Variants in C3orf20 observed in about 807,000 individuals in gnomAD.
The protein encoded by C3orf20 is uncharacterized protein C3orf20.
A neutral mutation model predicts 88.3 loss-of-function variants in C3orf20; 76 were observed. That is an observed-to-expected ratio of 0.86 (90% CI 0.72 to 1.04). The LOEUF is 1.04. C3orf20 is among the 50% of genes least tolerant of loss of function. The probability of loss-of-function intolerance (pLI) is 0.00; values close to 1 mark genes in which losing one functional copy is unlikely to be tolerated. For synonymous variants in C3orf20, 436 were observed against 437.4 expected (o/e 1.00, Z 0.04); for missense variants, 1,056 against 1,123.3 (o/e 0.94, Z 0.86).
Position 14,682,708 on chromosome 3 carries a change from C to T in C3orf20, c.-6C>T, listed in dbSNP as rs1367256932. The T allele has an allele frequency of 1.3e-5, 21 of 1,598,692 alleles. No individual in the cohort carries two copies. The highest frequency in any genetic ancestry group is 1.8e-5 in the Non-Finnish European group (21 of 1,172,280). On this transcript the variant is annotated 5_prime_UTR_variant, in exon 3 of 17. Transcript: ENST00000253697. The stretch of plus-strand genomic sequence containing the variant: ...AGAGCTCTCTTTATAGCTGAAGGTC[C>T]CTCTCATGAGTTACATCAAGAGTAA...
chr3:14,684,356 G>T lies in C3orf20; in HGVS notation c.599G>T (p.Gly200Val). 6.2e-7 allele frequency: 1 copy of T among 1,614,124 alleles called. No homozygotes were observed. The highest frequency in any genetic ancestry group is 8.5e-7 in the Non-Finnish European group (1 of 1,180,008). The change falls in exon 4 of 17, where the codon GGC becomes GTC. Residue 200 changes from glycine to valine, a missense_variant. Physicochemically the swap from Gly to Val is moderately radical, Grantham distance 109. Transcript: ENST00000253697. Reference protein sequence around the residue: ...NCLISTAGRSGYSSGQLWKES... With the variant: ...NCLISTAGRSVYSSGQLWKES... Reference sequence around the variant, plus strand: ...CTGATCAGCACAGCCGGGAGAAGTGGCTACAGCAGCGGACAGTTGTGGAAA... The same window carrying T: ...CTGATCAGCACAGCCGGGAGAAGTGTCTACAGCAGCGGACAGTTGTGGAAA...
At chr3:14,710,696 G>A (rs995739386) in intron 7 of C3orf20, among the ~76,000 whole-genome samples, 2 of 152,046 alleles carry the variant, frequency 1.3e-5, no homozygotes, top group Non-Finnish European at 2.9e-5. Context: ...GTGACCAAAG[G>A]AGATACTTTC....
chr3:14,771,653 A>G (rs570110255), intron 15 of C3orf20, among the ~76,000 whole-genome samples: 1 of 152,304 alleles, frequency 6.6e-6, no homozygotes, highest in East Asian at 1.9e-4. Context: ...CCCTATTTCC[A>G]AATAAGGCCA....
intron 12 of C3orf20, among the ~76,000 whole-genome samples, chr3:14,750,926 A>G (rs1435769570): frequency 6.6e-6 from 1 of 152,012 alleles, no homozygotes; most frequent in African/African-American, 2.4e-5. Flanking sequence ...GATTCCCATT[A>G]TGTGTCTTGA....
intron 5 of C3orf20, among the ~76,000 whole-genome samples, chr3:14,699,869 G>A (rs73813951): frequency 0.016 from 2,426 of 152,270 alleles, 52 homozygotes; most frequent in African/African-American, 0.055. Flanking sequence ...TGCCTTTCAA[G>A]TTTATTTAGA....
chr3:14,724,211 ATG>A (rs2034271818), intron 10 of C3orf20, among the ~76,000 whole-genome samples: 1 of 152,236 alleles, frequency 6.6e-6, no homozygotes, highest in Non-Finnish European at 1.5e-5. Flanking sequence ...CGTTTTTAAA[ATG>A]TGAGTCTACT....
intron 13 of C3orf20, 67 bp downstream of exon 13, chr3:14,757,741 AC>A: frequency 6.9e-7 from 1 of 1,456,518 alleles, no homozygotes. Flanking sequence ...GTCCGAGAAA[AC>A]CCCCACAGTG....
In C3orf20 at chr3:14,768,490, G is replaced by C. The variant is rs1301202872; in HGVS notation, c.2496-3577G>C. ...CTGACTTGATCCTACAGGCAATGGG[G>C]AGCTAATGAAGGTTCTTGAGCTGAG... is the stretch of plus-strand genomic sequence containing the variant. On this transcript the variant is annotated intron_variant, in intron 15 of 16. Transcript: ENST00000253697. The surrounding 1 kb of genome is among the most constrained non-coding windows in gnomAD (Gnocchi z 4.1). Among the ~76,000 whole-genome samples the C allele has an allele frequency of 6.6e-6, 1 of 152,028 alleles. No individual in the cohort carries two copies. Among genetic ancestry groups the C allele is most frequent in the African/African-American group, 2.4e-5 (1 of 41,310 alleles).
At chr3:14,757,783 C>CCCCTCAGG in intron 13 of C3orf20, 109 bp downstream of exon 13, 1 of 1,007,004 alleles carries the variant, frequency 9.9e-7, no homozygotes, top group Non-Finnish European at 1.4e-6. Context: ...GCCTGAGGGG[C>CCCCTCAGG]CACCCTCCTT....
chr3:14,693,781 A>G (rs2032843581), intron 5 of C3orf20, among the ~76,000 whole-genome samples: 1 of 152,134 alleles, frequency 6.6e-6, no homozygotes. Context: ...ATTTTAGAGG[A>G]AAGGCTTTCA....
At chr3:14,765,058 T>G (rs894176458) in intron 15 of C3orf20, 1 of 152,240 alleles carries the variant, frequency 6.6e-6, no homozygotes, top group African/African-American at 2.4e-5. Context: ...CAGAAGATAC[T>G]GGGTGAAATC....
intron 12 of C3orf20, among the ~76,000 whole-genome samples, chr3:14,731,159 A>G (rs7617472): frequency 0.38 from 57,812 of 152,014 alleles, 11,245 homozygotes; most frequent in Middle Eastern, 0.45. Flanking sequence ...CCTCACCCTT[A>G]ATCCCTGACA....
chr3:14,742,866 C>T (rs929612780), intron 12 of C3orf20, among the ~76,000 whole-genome samples: 1 of 152,114 alleles, frequency 6.6e-6, no homozygotes, highest in East Asian at 1.9e-4. Flanking sequence ...GAGATTTATT[C>T]ACTATCAGGA....
intron 8 of C3orf20, 81 bp from the exon 9 acceptor site, chr3:14,715,208 A>G: frequency 6.5e-7 from 1 of 1,540,812 alleles, no homozygotes; most frequent in Non-Finnish European, 8.8e-7. Context: ...AGTCTTACAG[A>G]CCTGTCTGCC....
At chr3:14,741,178 G>C (rs1295606318) in intron 12 of C3orf20, among the ~76,000 whole-genome samples, 1 of 152,192 alleles carries the variant, frequency 6.6e-6, no homozygotes, top group Non-Finnish European at 1.5e-5. Context: ...CTGTGCTTCA[G>C]CCTTTGTGAG....
At chr3:14,738,199 ACT>A (rs1387613804) in intron 12 of C3orf20, among the ~76,000 whole-genome samples, 1 of 122,692 alleles carries the variant, frequency 8.2e-6, no homozygotes, top group Non-Finnish European at 1.6e-5. Context: ...GCAGAGTCTC[ACT>A]CTGTCACCCA....
rs770304682 is a variant in C3orf20 at position 14,698,688 on chromosome 3, GCCA to G, written c.746-4434_746-4432del. ...ATGGGGTTACACAAGTACCCCTGTG[GCCA>G]CCACCACTGGGAGTGCACTGGATGA... On this transcript the variant is annotated intron_variant, in intron 5 of 16. Coordinates refer to ENST00000253697, the MANE Select transcript of C3orf20 (RefSeq NM_032137.5). Among the ~76,000 whole-genome samples the G allele has an allele frequency of 2.4e-4, 37 of 152,262 alleles. No homozygotes were observed. The South Asian group carries it at 2.9e-3, about 12-fold the overall frequency.
chr3:14,701,913 A>G lies in C3orf20; in HGVS notation c.746-1217A>G, dbSNP rs1344161448. 6.6e-6 allele frequency among the ~76,000 whole-genome samples: 1 copy of G among 152,188 alleles called. No individual in the cohort carries two copies. Among genetic ancestry groups the G allele is most frequent in the Non-Finnish European group, 1.5e-5 (1 of 68,030 alleles). On this transcript the variant is annotated intron_variant, in intron 5 of 16. Transcript: ENST00000253697. This position sits in a 1 kb window ranked among gnomAD's most constrained non-coding sequence, Gnocchi z 4.6. ...TATGAGTAACATCTCTGTTTGATAA[A>G]TGACCAGTCAACAATTCCTGGTGAG...
chr3:14,761,917 G>T (rs927849518), intron 15 of C3orf20, among the ~76,000 whole-genome samples: 34 of 152,266 alleles, frequency 2.2e-4, no homozygotes, highest in African/African-American at 7.2e-4. Context: ...GCCCCCTTGG[G>T]GAAAGAGGGA....
Sources: gnomAD v4.1 joint callset for allele counts (sites outside exome capture counted in the v4.1 genomes callset) on GRCh38, gnomAD v4.1.1 for gene constraint, Gnocchi (gnomAD v3.1) non-coding constraint, MANE v1.5 for transcripts, NCBI Gene and HGNC (gene_info 2026-07-23, HGNC 2026-07-21) for gene names.